Variants in ACSM3 observed in about 807,000 individuals in gnomAD.
ACSM3 encodes the protein acyl-coenzyme A synthetase ACSM3, mitochondrial.
In ACSM3, 61 loss-of-function variants were observed where a neutral mutation model predicts 74.1. The ratio of observed to expected loss-of-function variants is 0.82; its 90% CI spans 0.67 to 1.02. The LOEUF is 1.02. Ranked by LOEUF, ACSM3 falls within the 50% of genes least tolerant of loss-of-function variation. The probability of loss-of-function intolerance (pLI) is 0.00; values close to 1 mark genes in which losing one functional copy is unlikely to be tolerated. For synonymous variants in ACSM3, 213 were observed against 241.5 expected, an observed-to-expected ratio of 0.88 and a Z score of 1.09; for missense variants, 660 against 697.0, an observed-to-expected ratio of 0.95 and a Z score of 0.60.
chr16:20,693,117 C>T (rs1174180869), intron 1 of ACSM3, among the ~76,000 whole-genome samples: 1 of 151,650 alleles, frequency 6.6e-6, no homozygotes, highest in Non-Finnish European at 1.5e-5. Context: ...TTGCAGTGAG[C>T]CGAGATCATG....
chr16:20,721,002 A>G (rs906469480), intron 1 of ACSM3: 1 of 152,238 alleles, frequency 6.6e-6, no homozygotes, highest in African/African-American at 2.4e-5. Context: ...TTTAGTGCGA[A>G]GAAAATAATA....
At chr16:20,702,413 C>T (rs565647155) in intron 1 of ACSM3, among the ~76,000 whole-genome samples, 5 of 152,154 alleles carry the variant, frequency 3.3e-5, no homozygotes, top group Non-Finnish European at 7.4e-5. Context: ...GGGGTTTCAC[C>T]ATGTTAGCCA....
rs757632207 is a variant in ACSM3, at chr16:20,770,009, G to A, written c.-26G>A. 1.2e-6 allele frequency: 2 copies of A among 1,610,574 alleles called. No individual in the cohort carries two copies. The highest frequency in any genetic ancestry group is 1.7e-6 in the Non-Finnish European group (2 of 1,176,850). ...ATGAACTGGTCTCTGTGCAAATCCT[G>A]AGTGCTAAAGCTTCCAACAAGACTG... On this transcript the variant is annotated 5_prime_UTR_variant, in exon 2 of 14. An upstream open reading frame in the 5' UTR loses its in-frame stop. Coordinates refer to ENST00000289416, the MANE Select transcript of ACSM3 (RefSeq NM_005622.4).
intron 1 of ACSM3, among the ~76,000 whole-genome samples, chr16:20,690,599 A>G (rs530473419): frequency 1.3e-5 from 2 of 152,288 alleles, no homozygotes; most frequent in Non-Finnish European, 2.9e-5. Context: ...ATGCAGTCTC[A>G]AGTCAAGCCC....
intron 2 of ACSM3, among the ~76,000 whole-genome samples, chr16:20,753,424 A>C (rs933723265): frequency 3.4e-5 from 5 of 146,026 alleles, no homozygotes; most frequent in Admixed American, 7.3e-5. Context: ...AGATTGCACC[A>C]CTGCACTCCA....
chr16:20,748,000 G>T (rs1156547309), intron 1 of ACSM3, among the ~76,000 whole-genome samples: 1 of 152,110 alleles, frequency 6.6e-6, no homozygotes, highest in Non-Finnish European at 1.5e-5. Context: ...ACTTAGGTGT[G>T]GTGGTGCACA....
chr16:20,714,021 T>C (rs1460357850), intron 1 of ACSM3, among the ~76,000 whole-genome samples: 1 of 152,134 alleles, frequency 6.6e-6, no homozygotes, highest in Non-Finnish European at 1.5e-5. Flanking sequence ...CTCAAGTGTA[T>C]ACGTTCATGA....
At chr16:20,777,986 A>G (rs993069350) in intron 4 of ACSM3, among the ~76,000 whole-genome samples, 2 of 152,210 alleles carry the variant, frequency 1.3e-5, no homozygotes, top group South Asian at 4.1e-4. Context: ...TGGCCTTTAT[A>G]TACCCACATT....
upstream of ACSM3, among the ~76,000 whole-genome samples, chr16:20,763,155 TG>T (rs1459370373): frequency 2.6e-5 from 4 of 152,238 alleles, no homozygotes; most frequent in African/African-American, 9.6e-5. Flanking sequence ...ATTTATTGAA[TG>T]CCTAAAATTT....
chr16:20,754,078 G>A lies in ACSM3; in HGVS notation c.-95-1495G>A, dbSNP rs575295475. Among the ~76,000 whole-genome samples the A allele has an allele frequency of 5.3e-5, 8 of 152,334 alleles. No individual in the cohort carries two copies. The East Asian group carries it at 1.4e-3, about 26-fold the overall frequency. ...ACAATTTTTCCATGGTCATTGGAAG[G>A]AATGCAGAAAGTATGGGCAGAGTTG... On this transcript the variant is annotated intron_variant, in intron 2 of 3. Transcript: ENST00000561584.
At chr16:20,702,241 C>T (rs2079714695) in intron 1 of ACSM3, among the ~76,000 whole-genome samples, 2 of 152,318 alleles carry the variant, frequency 1.3e-5, no homozygotes, top group South Asian at 4.1e-4. Context: ...AAGACAGAGT[C>T]TTGCCCTGTT....
upstream of ACSM3, among the ~76,000 whole-genome samples, chr16:20,763,252 T>TA (rs2080091972): frequency 6.6e-6 from 1 of 152,130 alleles, no homozygotes; most frequent in Non-Finnish European, 1.5e-5. Flanking sequence ...TGTAAAAAGT[T>TA]AAAAAATGGT....
intron 1 of ACSM3, among the ~76,000 whole-genome samples, chr16:20,677,333 G>A (rs2020350419): frequency 6.6e-6 from 1 of 152,070 alleles, no homozygotes; most frequent in Non-Finnish European, 1.5e-5. Context: ...AGGCCATGAA[G>A]GTTCTAACTC....
chr16:20,789,375 T>G, intron 9 of ACSM3: 1 of 823,956 alleles, frequency 1.2e-6, no homozygotes, highest in South Asian at 1.5e-5. Context: ...CATTAATTAC[T>G]TAGCATGTAT....
intron 8 of ACSM3, among the ~76,000 whole-genome samples, chr16:20,785,651 G>A (rs993050825): frequency 6.6e-6 from 1 of 152,088 alleles, no homozygotes; most frequent in Non-Finnish European, 1.5e-5. Context: ...GTAGAAGAGG[G>A]AGGAGTAAGA....
chr16:20,700,207 T>C (rs1423724476), intron 1 of ACSM3, among the ~76,000 whole-genome samples: 2 of 152,170 alleles, frequency 1.3e-5, no homozygotes, highest in South Asian at 2.1e-4. Flanking sequence ...AGAAAACCTA[T>C]GATACATTCA....
chr16:20,737,236 G>A lies in ACSM3; in HGVS notation c.-189-12674G>A, dbSNP rs778649204. The A allele has an allele frequency of 1.1e-5, 17 of 1,614,092 alleles. No homozygotes were observed. In the South Asian group the frequency reaches 1.9e-4, roughly 18 times the overall value. On this transcript the variant is annotated intron_variant, in intron 1 of 3. Transcript: ENST00000561584. The stretch of plus-strand genomic sequence containing the variant: ...ATGATTTCTACTACCACTGTGTACT[G>A]TGGATTGGTGAGATCCACTTTATTT...
At chr16:20,779,569 A>G (rs1274645357) in intron 4 of ACSM3, among the ~76,000 whole-genome samples, 1 of 152,128 alleles carries the variant, frequency 6.6e-6, no homozygotes, top group East Asian at 1.9e-4. Context: ...CTTGATATGT[A>G]TGTGTGCAGC....
chr16:20,792,728 C>G lies in ACSM3; in HGVS notation c.1554+393C>G, dbSNP rs533407688. 12 of 985,346 alleles carry G rather than the reference C, an allele frequency of 1.2e-5. No homozygotes were observed. In the East Asian group the frequency reaches 6.8e-4, roughly 56 times the overall value. The allele number at this position is 985,346 out of a possible 1,614,324, so 61.0% of individuals were successfully genotyped here. A position where few individuals can be genotyped will look rare whatever the true frequency, so the allele number is the denominator to read the frequency against. On this transcript the variant is annotated intron_variant, in intron 12 of 13. Transcript: ENST00000289416. ...CCCTGGTGTAGTGAAGGAGAATGGGCTGGCATCAGATGTCAGAAGTGGGAA... is the reference window on the plus strand; with the variant it reads ...CCCTGGTGTAGTGAAGGAGAATGGGGTGGCATCAGATGTCAGAAGTGGGAA...
Sources: gnomAD v4.1 joint callset for allele counts (sites outside exome capture counted in the v4.1 genomes callset) on GRCh38, gnomAD v4.1.1 for gene constraint, MANE v1.5 for transcripts, NCBI Gene and HGNC (gene_info 2026-07-23, HGNC 2026-07-21) for gene names.